PCDHGA8: variants seen among roughly 807,000 people sequenced by gnomAD.
PCDHGA8 encodes protocadherin gamma subfamily A, 8, also known as protocadherin gamma-A8.
A neutral mutation model predicts 59.2 loss-of-function variants in PCDHGA8; 45 were observed. The observed-to-expected ratio is 0.76, with a 90% CI of 0.60 to 0.98. The LOEUF is 0.98. PCDHGA8 is among the 50% of genes least tolerant of loss of function. The pLI, the probability that PCDHGA8 is intolerant of heterozygous loss-of-function variation, is 0.00. For missense variants in PCDHGA8, 1,257 were observed against 1,196.2 expected (o/e 1.05, Z -0.75); for synonymous variants, 531 against 519.0 (o/e 1.02, Z -0.32).
chr5:141,430,615 A>G, intron 1 of PCDHGA8: 1 of 686,990 alleles, frequency 1.5e-6, no homozygotes, highest in Non-Finnish European at 2.2e-6. Context: ...CAAAGCAGAT[A>G]GCTAGGAATG....
intron 1 of PCDHGA8, among the ~76,000 whole-genome samples, chr5:141,449,588 C>CAA (rs768743917): frequency 2.4e-4 from 14 of 57,430 alleles, no homozygotes; most frequent in Non-Finnish European, 3.7e-4. Flanking sequence ...GACTCTGTCT[C>CAA]AAAAAAAAAA....
intron 1 of PCDHGA8, among the ~76,000 whole-genome samples, chr5:141,460,709 A>G (rs2098995845): frequency 6.6e-6 from 1 of 151,794 alleles, no homozygotes; most frequent in Non-Finnish European, 1.5e-5. Flanking sequence ...ATGAGAATAA[A>G]CTATTGTTAT....
chr5:141,402,563 T>C (rs2094279860), intron 1 of PCDHGA8, among the ~76,000 whole-genome samples: 1 of 152,232 alleles, frequency 6.6e-6, no homozygotes, highest in African/African-American at 2.4e-5. Flanking sequence ...TTCCACTTTA[T>C]TTACAACTCA....
chr5:141,405,835 A>C (rs2094724459), intron 1 of PCDHGA8, among the ~76,000 whole-genome samples: 1 of 152,178 alleles, frequency 6.6e-6, no homozygotes, highest in African/African-American at 2.4e-5. Flanking sequence ...AGGTAGTATA[A>C]GTTGATATCA....
chr5:141,417,954 C>G, intron 1 of PCDHGA8: 2 of 1,613,600 alleles, frequency 1.2e-6, no homozygotes, highest in South Asian at 1.1e-5. Flanking sequence ...CTGTGTGAGC[C>G]GATCCGCTAC....
Position 141,404,163 on chromosome 5 carries a change from T to C in PCDHGA8, c.2424+8926T>C, listed in dbSNP as rs372897104. The C allele has an allele frequency of 4.6e-5, 74 of 1,613,126 alleles. No homozygotes were observed. The South Asian group carries it at 7.9e-4, about 17-fold the overall frequency. ...AATTCAGAAGAAGATTATTACAGATTGTTGACGGCCCAAATTCTTGACCGA... is the reference window on the plus strand; with the variant it reads ...AATTCAGAAGAAGATTATTACAGATCGTTGACGGCCCAAATTCTTGACCGA... On this transcript the variant is annotated intron_variant, in intron 1 of 3. Transcript: ENST00000398604.
rs1388608588 is a variant in PCDHGA8 at position 141,481,102 on chromosome 5, A to T, written c.2425-13705A>T. The stretch of plus-strand genomic sequence containing the variant: ...GAAAAAAGAAAAGCAGTACTCTGGA[A>T]CCTACCAATCCATCATTTAGCATAT... On this transcript the variant is annotated intron_variant, in intron 1 of 3. Transcript: ENST00000398604. 3.3e-5 allele frequency among the ~76,000 whole-genome samples: 5 copies of T among 152,288 alleles called. No individual in the cohort carries two copies. The East Asian group carries it at 7.7e-4, about 24-fold the overall frequency.
rs774079222 is a variant in PCDHGA8 at position 141,491,314 on chromosome 5, C to T, written c.2425-3493C>T. On this transcript the variant is annotated intron_variant, in intron 1 of 3. Coordinates refer to ENST00000398604, the MANE Select transcript of PCDHGA8 (RefSeq NM_032088.2). This position sits in a 1 kb window ranked among gnomAD's most constrained non-coding sequence, Gnocchi z 6.9. ...CCCTCCTGAGCGTTCAGACCTTACC[C>T]TTTACCTCATTGTGGCTCTAGCGAC... The T allele has an allele frequency of 1.9e-6, 3 of 1,614,182 alleles. No individual in the cohort carries two copies. In the South Asian group the frequency reaches 3.3e-5, roughly 18 times the overall value.
chr5:141,439,618 C>T (rs964445098), intron 1 of PCDHGA8, among the ~76,000 whole-genome samples: 2 of 152,178 alleles, frequency 1.3e-5, no homozygotes, highest in East Asian at 3.8e-4. Context: ...GATAAATGAG[C>T]CAATCCCCAG....
At chr5:141,459,885 C>A (rs1333668105) in intron 1 of PCDHGA8, among the ~76,000 whole-genome samples, 1 of 152,106 alleles carries the variant, frequency 6.6e-6, no homozygotes, top group East Asian at 1.9e-4. Flanking sequence ...CTGAGCTGAA[C>A]GCCTTCTTAA....
intron 1 of PCDHGA8, chr5:141,440,744 A>C (rs2098197850): frequency 6.6e-6 from 1 of 152,194 alleles, no homozygotes; most frequent in Non-Finnish European, 1.5e-5. Context: ...CTGCTTGACT[A>C]GGAAAAGCAG....
In PCDHGA8 at chr5:141,463,438, C is replaced by CTTT. The variant is rs71576115; in HGVS notation, c.2425-31343_2425-31341dup. ...GTTTGCGGATCCTCATTTCCTTCTC[C>CTTT]TTTTTTTTTTTTTTTTTTTTTTTTT... On this transcript the variant is annotated intron_variant, in intron 1 of 3. Coordinates refer to ENST00000398604, the MANE Select transcript of PCDHGA8 (RefSeq NM_032088.2). 5.0e-3 allele frequency among the ~76,000 whole-genome samples: 517 copies of CTTT among 103,248 alleles called. 61 individuals are homozygous for CTTT. The highest frequency in any genetic ancestry group is 0.017 in the African/African-American group (381 of 22,398). The allele number at this position is 103,248 out of a possible 152,430, so 67.7% of individuals were successfully genotyped here.
Position 141,491,287 on chromosome 5 carries a change from C to T in PCDHGA8, c.2425-3520C>T, listed in dbSNP as rs1562145447. 2 of 1,614,030 alleles carry T rather than the reference C, an allele frequency of 1.2e-6. No homozygotes were observed. Among genetic ancestry groups the T allele is most frequent in the Admixed American group, 1.7e-5 (1 of 60,032 alleles). On this transcript the variant is annotated intron_variant, in intron 1 of 3. Coordinates refer to ENST00000398604, the MANE Select transcript of PCDHGA8 (RefSeq NM_032088.2). The surrounding 1 kb of genome is among the most constrained non-coding windows in gnomAD (Gnocchi z 6.9). ...GCCCAAATCCAGTGACTTCCTCATA[C>T]ACCCTCCTGAGCGTTCAGACCTTAC... is the stretch of plus-strand genomic sequence containing the variant.
At position 141,418,775 on chromosome 5, in the gene PCDHGA8, C is replaced by T. The variant is rs773519128; in HGVS notation, c.2424+23538C>T. 4 of 1,613,764 alleles carry T rather than the reference C, an allele frequency of 2.5e-6. No individual in the cohort carries two copies. In the East Asian group the frequency reaches 6.7e-5, roughly 27 times the overall value. ...TACAGGAAACATTCTAACTCAGCAG[C>T]CTTTGGATTTTGAAGAAGTAGAAAG... On this transcript the variant is annotated intron_variant, in intron 1 of 3. Transcript: ENST00000398604.
At chr5:141,464,096 C>T (rs2099075769) in intron 1 of PCDHGA8, among the ~76,000 whole-genome samples, 1 of 152,016 alleles carries the variant, frequency 6.6e-6, no homozygotes, top group African/African-American at 2.4e-5. Context: ...GAAACTCCGT[C>T]TCTACTAAAA....
intron 1 of PCDHGA8, chr5:141,408,786 C>A: frequency 6.2e-7 from 1 of 1,612,430 alleles, no homozygotes; most frequent in Non-Finnish European, 8.5e-7. Flanking sequence ...CCAGAGTTAT[C>A]TCTGGAGAAA....
rs953397576 is a variant in PCDHGA8, at chr5:141,410,111, G to A, written c.2424+14874G>A. 6 of 1,612,264 alleles carry A rather than the reference G, an allele frequency of 3.7e-6. No homozygotes were observed. In the African/African-American group the frequency reaches 6.7e-5, roughly 18 times the overall value. On this transcript the variant is annotated intron_variant, in intron 1 of 3. Transcript: ENST00000398604. ...GGCTCGAGCCTTAGGCGACAGGGACGCAGCCCGCCAGCGCCTGCTGGTCGC... is the reference window on the plus strand; with the variant it reads ...GGCTCGAGCCTTAGGCGACAGGGACACAGCCCGCCAGCGCCTGCTGGTCGC...
intron 1 of PCDHGA8, chr5:141,398,058 T>C (rs921277104): frequency 2.0e-6 from 3 of 1,525,504 alleles, no homozygotes; most frequent in African/African-American, 1.4e-5. Flanking sequence ...GATCCAAAAA[T>C]CTACAATACA....
chr5:141,413,365 G>A (rs1046513869), intron 1 of PCDHGA8: 14 of 1,614,000 alleles, frequency 8.7e-6, no homozygotes, highest in Non-Finnish European at 1.2e-5. Flanking sequence ...CCGGGAGCTG[G>A]CGGAGCGCGG....
Sources: gnomAD v4.1 joint callset for allele counts (sites outside exome capture counted in the v4.1 genomes callset) on GRCh38, gnomAD v4.1.1 for gene constraint, Gnocchi (gnomAD v3.1) non-coding constraint, MANE v1.5 for transcripts, NCBI Gene and HGNC (gene_info 2026-07-23, HGNC 2026-07-21) for gene names.